Variants in PAK5 observed in about 807,000 individuals in gnomAD.
The protein encoded by PAK5 is serine/threonine-protein kinase PAK 5.
A neutral mutation model predicts 65.9 loss-of-function variants in PAK5; 16 were observed. That is an observed-to-expected ratio of 0.24 (90% confidence interval 0.16 to 0.37). PAK5 has a LOEUF of 0.37. Among genes scored for constraint, PAK5 ranks in the 10% least tolerant of loss-of-function variants. PAK5 has a pLI of 1.00. For synonymous variants in PAK5, 371 were observed against 354.9 expected, an observed-to-expected ratio of 1.05 and a Z score of -0.51; for missense variants, 785 against 903.9, an observed-to-expected ratio of 0.87 and a Z score of 1.69.
intron 4 of PAK5, among the ~76,000 whole-genome samples, chr20:9,579,902 C>T (rs1015443561): frequency 6.6e-6 from 1 of 152,164 alleles, no homozygotes; most frequent in African/African-American, 2.4e-5. Flanking sequence ...AGTTTATTCG[C>T]CTTTTAATGA....
At chr20:9,570,164 G>C (rs1311640089) in intron 4 of PAK5, among the ~76,000 whole-genome samples, 1 of 151,984 alleles carries the variant, frequency 6.6e-6, no homozygotes, top group Non-Finnish European at 1.5e-5. Context: ...ACATATCAAA[G>C]TATTCAAACA....
intron 6 of PAK5, among the ~76,000 whole-genome samples, chr20:9,560,500 C>T (rs2045575411): frequency 6.6e-6 from 1 of 152,156 alleles, no homozygotes; most frequent in South Asian, 2.1e-4. Context: ...GCTAGGACTA[C>T]AGGGACATGC....
At chr20:9,640,900 G>T (rs1168767709) in intron 3 of PAK5, among the ~76,000 whole-genome samples, 1 of 152,208 alleles carries the variant, frequency 6.6e-6, no homozygotes, top group Non-Finnish European at 1.5e-5. Flanking sequence ...TGGCCCCGAA[G>T]AGTGAGCAGT....
At chr20:9,694,642 G>C (rs937196010) in intron 2 of PAK5, among the ~76,000 whole-genome samples, 5 of 152,002 alleles carry the variant, frequency 3.3e-5, no homozygotes, top group Non-Finnish European at 5.9e-5. Context: ...GACTTAATAT[G>C]AATAGAATCA....
At chr20:9,720,724 T>C (rs1330855065) in intron 1 of PAK5, among the ~76,000 whole-genome samples, 9 of 152,048 alleles carry the variant, frequency 5.9e-5, no homozygotes, top group Admixed American at 5.2e-4. Flanking sequence ...CAAGAGGTGA[T>C]TGGATAAATA....
At chr20:9,812,859 G>T (rs1189987000) in intron 1 of PAK5, among the ~76,000 whole-genome samples, 1 of 151,974 alleles carries the variant, frequency 6.6e-6, no homozygotes, top group African/African-American at 2.4e-5. Context: ...TTGATGTGAC[G>T]GATATCCCAG....
intron 1 of PAK5, among the ~76,000 whole-genome samples, chr20:9,755,467 AG>A (rs2048623136): frequency 6.6e-6 from 1 of 152,214 alleles, no homozygotes; most frequent in Non-Finnish European, 1.5e-5. Flanking sequence ...AGATATGCAA[AG>A]ACACAGTCTT....
chr20:9,687,131 G>C (rs1259762429), intron 2 of PAK5, among the ~76,000 whole-genome samples: 1 of 152,184 alleles, frequency 6.6e-6, no homozygotes, highest in African/African-American at 2.4e-5. Context: ...TTATGCCCAG[G>C]CTGTATAGCT....
At chr20:9,733,373 A>C (rs1371735038) in intron 1 of PAK5, among the ~76,000 whole-genome samples, 2 of 149,946 alleles carry the variant, frequency 1.3e-5, no homozygotes, top group African/African-American at 2.5e-5. Flanking sequence ...AACACCTCAC[A>C]TAGTTACCAA....
intron 1 of PAK5, among the ~76,000 whole-genome samples, chr20:9,787,697 C>A (rs1465983654): frequency 2.0e-5 from 3 of 150,454 alleles, no homozygotes; most frequent in African/African-American, 7.3e-5. Context: ...AAATGTTTAA[C>A]TACTGGCTTT....
chr20:9,607,184 C>A lies in PAK5; in HGVS notation c.205-26254G>T, dbSNP rs565588093. Among the ~76,000 whole-genome samples the A allele has an allele frequency of 3.3e-5, 5 of 152,266 alleles. No individual in the cohort carries two copies. The South Asian group carries it at 8.3e-4, about 25-fold the overall frequency. On this transcript the variant is annotated intron_variant, in intron 3 of 9. Coordinates refer to ENST00000353224, the MANE Select transcript of PAK5 (RefSeq NM_177990.4). Reference sequence around the variant, plus strand: ...AGAGTGAGCGCCGCCAGCCATGAAACACACTGAATCTGGAACAATGGTGCA... The same window carrying A: ...AGAGTGAGCGCCGCCAGCCATGAAAAACACTGAATCTGGAACAATGGTGCA...
chr20:9,597,792 C>T (rs1334882932), intron 3 of PAK5, among the ~76,000 whole-genome samples: 2 of 152,112 alleles, frequency 1.3e-5, no homozygotes, highest in South Asian at 2.1e-4. Flanking sequence ...ATGAGAGACA[C>T]GAGGAACAGA....
intron 4 of PAK5, among the ~76,000 whole-genome samples, chr20:9,571,880 G>T (rs530698779): frequency 9.7e-5 from 14 of 144,648 alleles, no homozygotes; most frequent in South Asian, 2.4e-4. Context: ...ATGATGGGGG[G>T]GGGGGATGTG....
At chr20:9,600,083 C>T (rs575769415) in intron 3 of PAK5, among the ~76,000 whole-genome samples, 10 of 152,170 alleles carry the variant, frequency 6.6e-5, no homozygotes, top group African/African-American at 2.4e-4. Context: ...CCAGTTCTCC[C>T]GGCGTTATTT....
intron 3 of PAK5, among the ~76,000 whole-genome samples, chr20:9,610,225 C>A (rs545371844): frequency 1.3e-5 from 2 of 152,276 alleles, no homozygotes; most frequent in East Asian, 3.9e-4. Context: ...TATTGAATGT[C>A]TTCAGAATTG....
chr20:9,811,242 T>C (rs936043534), intron 1 of PAK5, among the ~76,000 whole-genome samples: 1 of 152,120 alleles, frequency 6.6e-6, no homozygotes, highest in East Asian at 1.9e-4. Context: ...AATGTACTTA[T>C]CATCGTGACA....
chr20:9,563,164 C>A, intron 5 of PAK5, 140 bp from the exon 6 acceptor site: 2 of 751,616 alleles, frequency 2.7e-6, no homozygotes, highest in Admixed American at 2.5e-5. Context: ...CTATTACAGA[C>A]AAAAAGCATC....
chr20:9,766,349 T>TTGAATATATATATATTC (rs1322908430), intron 1 of PAK5, among the ~76,000 whole-genome samples: 10 of 43,126 alleles, frequency 2.3e-4, no homozygotes, highest in African/African-American at 8.5e-4. Context: ...TATATTCTAC[T>TTGAATATATATATATTC]TACTTGAATA....
chr20:9,600,765 G>A (rs1210719019), intron 3 of PAK5, among the ~76,000 whole-genome samples: 5 of 152,194 alleles, frequency 3.3e-5, no homozygotes, highest in Non-Finnish European at 5.9e-5. Flanking sequence ...TCTTCCACTG[G>A]AATAATACTT....
Sources: gnomAD v4.1 joint callset for allele counts (sites outside exome capture counted in the v4.1 genomes callset) on GRCh38, gnomAD v4.1.1 for gene constraint, MANE v1.5 for transcripts, NCBI Gene and HGNC (gene_info 2026-07-23, HGNC 2026-07-21) for gene names.